SATB2: variants seen among roughly 807,000 people sequenced by gnomAD.
The protein encoded by SATB2 is DNA-binding protein SATB2.
A neutral mutation model predicts 73.4 loss-of-function variants in SATB2; 1 was observed. That is an observed-to-expected ratio of 0.01 (90% confidence interval 0.00 to 0.06). The LOEUF (loss-of-function observed/expected upper bound fraction) is 0.06, where lower values mean the gene tolerates loss of function less well. SATB2 is among the 10% of genes least tolerant of loss of function. The pLI is 1.00. For synonymous variants in SATB2, 397 were observed against 367.0 expected (o/e 1.08, Z -0.93); for missense variants, 459 against 945.8 (o/e 0.49, Z 6.75).
chr2:199,332,276 G>A (rs1688211099), intron 7 of SATB2, among the ~76,000 whole-genome samples: 1 of 152,072 alleles, frequency 6.6e-6, no homozygotes, highest in Non-Finnish European at 1.5e-5. Flanking sequence ...GATTATGTAA[G>A]ACCAGGAAAC....
chr2:199,461,983 G>GAGGGTGC (rs1301678949), upstream of SATB2, among the ~76,000 whole-genome samples: 3 of 152,220 alleles, frequency 2.0e-5, no homozygotes, highest in African/African-American at 2.4e-5. Flanking sequence ...CGCCTGGGTG[G>GAGGGTGC]AGGGTGCAGG....
In SATB2 at chr2:199,272,613, C is replaced by A. The variant is rs764410137; in HGVS notation, c.1800G>T (p.Ala600=). The stretch of plus-strand genomic sequence containing the variant: ...CTTCAGTCGGAGGAGGTGGGGGAGG[C>A]GCTTCTTCTCTGGGAGGGGAACTCT... The part of the protein sequence containing the change: ...AKESSPPREE[A]PPPPPPTEDS... Residue 600 remains alanine (A), a synonymous_variant, in exon 11 of 11, where the codon GCG becomes GCT. Coordinates refer to ENST00000417098, the MANE Select transcript of SATB2 (RefSeq NM_001172509.2). This position sits in a 1 kb window ranked among gnomAD's most constrained non-coding sequence, Gnocchi z 6.7. 1.3e-5 allele frequency: 21 copies of A among 1,613,916 alleles called. No individual in the cohort carries two copies. The highest frequency in any genetic ancestry group is 2.7e-5 in the African/African-American group (2 of 74,858).
intron 2 of SATB2, among the ~76,000 whole-genome samples, chr2:199,446,663 G>A (rs1361596099): frequency 2.0e-5 from 3 of 152,124 alleles, no homozygotes; most frequent in Admixed American, 2.0e-4. Context: ...GTTAGGTTAC[G>A]CAAATGTTAA....
chr2:199,416,823 TC>T (rs1308543423), intron 3 of SATB2, among the ~76,000 whole-genome samples: 3 of 152,030 alleles, frequency 2.0e-5, no homozygotes, highest in Non-Finnish European at 2.9e-5. Context: ...GATCATGAGG[TC>T]AGGAGATCGA....
intron 6 of SATB2, among the ~76,000 whole-genome samples, chr2:199,358,033 CA>C (rs1272353286): frequency 1.3e-5 from 2 of 152,072 alleles, no homozygotes; most frequent in South Asian, 2.1e-4. Flanking sequence ...ACAAAAATGG[CA>C]ATTCCATATG....
chr2:199,417,155 CT>C (rs912378326), intron 3 of SATB2, among the ~76,000 whole-genome samples: 75 of 145,964 alleles, frequency 5.1e-4, no homozygotes, highest in Non-Finnish European at 7.3e-4. Flanking sequence ...TCACCATTTA[CT>C]TTTTTTTTTT....
intron 3 of SATB2, among the ~76,000 whole-genome samples, chr2:199,415,024 A>G (rs1003331475): frequency 5.9e-5 from 9 of 152,214 alleles, no homozygotes; most frequent in Admixed American, 1.3e-4. Context: ...ATCGGGGAAA[A>G]TAAAAGAAGG....
At position 199,291,921 on chromosome 2, in the gene SATB2, T is replaced by A. The variant is rs1404303474; in HGVS notation, c.1740+16839A>T. Among the ~76,000 whole-genome samples, 5 of 150,790 alleles carry A rather than the reference T, an allele frequency of 3.3e-5. No individual in the cohort carries two copies. In the East Asian group the frequency reaches 5.8e-4, roughly 18 times the overall value. On this transcript the variant is annotated intron_variant, in intron 10 of 10. Coordinates refer to ENST00000417098, the MANE Select transcript of SATB2 (RefSeq NM_001172509.2). ...GCAAGACTCTGTCTCAAAAAAAAAA[T>A]AAATAAAAATAAAAACAAAAACAAA...
chr2:199,391,369 G>T (rs1690129311), intron 3 of SATB2, among the ~76,000 whole-genome samples: 2 of 144,538 alleles, frequency 1.4e-5, no homozygotes, highest in South Asian at 4.3e-4. Flanking sequence ...GGAGGCAGAG[G>T]TTGCAGTGAC....
chr2:199,306,952 T>C (rs1239080237), intron 10 of SATB2, among the ~76,000 whole-genome samples: 1 of 152,232 alleles, frequency 6.6e-6, no homozygotes, highest in Non-Finnish European at 1.5e-5. Context: ...AAATTGCTTT[T>C]TCCTTGCTGT....
intron 7 of SATB2, among the ~76,000 whole-genome samples, chr2:199,341,579 C>T (rs1688507592): frequency 6.6e-6 from 1 of 152,158 alleles, no homozygotes; most frequent in African/African-American, 2.4e-5. Flanking sequence ...TGGACTATAT[C>T]AATACTGACC....
chr2:199,389,286 A>G (rs143266629), intron 3 of SATB2, among the ~76,000 whole-genome samples: 207 of 152,256 alleles, frequency 1.4e-3, no homozygotes, highest in African/African-American at 4.8e-3. Context: ...GAATAAACCT[A>G]ACTCTTCTAC....
intron 6 of SATB2, among the ~76,000 whole-genome samples, 196 bp from the exon 7 acceptor site, chr2:199,349,369 T>C (rs1051922347): frequency 6.6e-6 from 1 of 152,190 alleles, no homozygotes; most frequent in Non-Finnish European, 1.5e-5. Context: ...ATGGAACATA[T>C]GAAAGAAAGT....
intron 10 of SATB2, among the ~76,000 whole-genome samples, chr2:199,280,201 T>C (rs1037993716): frequency 1.3e-5 from 2 of 152,210 alleles, no homozygotes; most frequent in African/African-American, 2.4e-5. Context: ...ATTGTGAAGA[T>C]TGCATGGACA....
At chr2:199,386,531 G>A (rs1375660428) in intron 3 of SATB2, among the ~76,000 whole-genome samples, 1 of 152,174 alleles carries the variant, frequency 6.6e-6, no homozygotes, top group African/African-American at 2.4e-5. Flanking sequence ...TGTGGCCATT[G>A]AGGATAATAT....
chr2:199,406,292 G>T (rs970993256), intron 3 of SATB2, among the ~76,000 whole-genome samples: 4 of 151,964 alleles, frequency 2.6e-5, no homozygotes, highest in African/African-American at 9.7e-5. Context: ...ACCTAAACAT[G>T]GTAGAAAGTT....
intron 3 of SATB2, chr2:199,397,433 T>TAATTGAGTTAGTAACTCAATTAGTTAC (rs1185538710): frequency 7.2e-5 from 11 of 152,444 alleles, no homozygotes; most frequent in African/African-American, 2.7e-4. Context: ...AACTCAACAA[T>TAATTGAGTTAGTAACTCAATTAGTTAC]AATGAATAGT....
At chr2:199,371,925 T>C (rs1486368228) in intron 5 of SATB2, among the ~76,000 whole-genome samples, 2 of 152,188 alleles carry the variant, frequency 1.3e-5, no homozygotes, top group African/African-American at 4.8e-5. Flanking sequence ...ACTAAGCATG[T>C]ATCGCTTTGC....
At chr2:199,327,730 C>A (rs1432475680) in intron 8 of SATB2, among the ~76,000 whole-genome samples, 1 of 152,028 alleles carries the variant, frequency 6.6e-6, no homozygotes, top group Non-Finnish European at 1.5e-5. Flanking sequence ...GAATACTTTT[C>A]AAGTGTGTGG....
Sources: gnomAD v4.1 joint callset for allele counts (sites outside exome capture counted in the v4.1 genomes callset) on GRCh38, gnomAD v4.1.1 for gene constraint, Gnocchi (gnomAD v3.1) non-coding constraint, MANE v1.5 for transcripts, NCBI Gene and HGNC (gene_info 2026-07-23, HGNC 2026-07-21) for gene names.